RAB7A: variants seen among roughly 807,000 people sequenced by gnomAD.
RAB7A encodes the protein ras-related protein Rab-7a.
RAB7A carries 2 observed loss-of-function variants against 24.5 expected under a neutral mutation model. The observed-to-expected ratio is 0.08, with a 90% CI of 0.03 to 0.26. The LOEUF is 0.26. Ranked by LOEUF, RAB7A falls within the 10% of genes least tolerant of loss-of-function variation. The pLI is 1.00. For missense variants in RAB7A, 118 were observed against 255.7 expected, an observed-to-expected ratio of 0.46 and a Z score of 3.67; for synonymous variants, 100 against 95.9, an observed-to-expected ratio of 1.04 and a Z score of -0.25.
chr3:128,778,841 A>G (rs137930810), intron 1 of RAB7A, among the ~76,000 whole-genome samples: 30 of 152,302 alleles, frequency 2.0e-4, no homozygotes, highest in African/African-American at 7.0e-4. Flanking sequence ...AGTTTTGGTG[A>G]TCGATAGACT....
chr3:128,766,765 C>T (rs1235824323), intron 1 of RAB7A, among the ~76,000 whole-genome samples: 2 of 152,010 alleles, frequency 1.3e-5, no homozygotes, highest in Non-Finnish European at 1.5e-5. Context: ...GTTTTGAACT[C>T]CTGAACTCAA....
chr3:128,774,808 G>A (rs1192930592), intron 1 of RAB7A, among the ~76,000 whole-genome samples: 2 of 152,124 alleles, frequency 1.3e-5, no homozygotes, highest in African/African-American at 4.8e-5. Flanking sequence ...TCCTGCCCTC[G>A]TGATCCGCCC....
chr3:128,744,590 GC>G (rs1168529900), intron 1 of RAB7A, among the ~76,000 whole-genome samples: 2 of 152,180 alleles, frequency 1.3e-5, no homozygotes, highest in African/African-American at 4.8e-5. Context: ...GATCTGCTAA[GC>G]TGCTTTGGGG....
chr3:128,790,121 C>G (rs974287286), intron 1 of RAB7A, among the ~76,000 whole-genome samples: 18 of 152,176 alleles, frequency 1.2e-4, no homozygotes, highest in Non-Finnish European at 2.2e-4. Context: ...ACAAGTGTCC[C>G]ATTCTTGATC....
Position 128,813,613 on chromosome 3 carries a change from A to G in RAB7A, c.*191A>G. ...CACACACACACACACGCACACACAC[A>G]CACACAGATCTGACGTAATCAAACT... On this transcript the variant is annotated 3_prime_UTR_variant, in exon 6 of 6. Coordinates refer to ENST00000265062, the MANE Select transcript of RAB7A (RefSeq NM_004637.6). 1 of 614,454 alleles carries G rather than the reference A, an allele frequency of 1.6e-6. No individual in the cohort carries two copies. The highest frequency in any genetic ancestry group is 3.0e-6 in the Non-Finnish European group (1 of 331,096). The allele number at this position is 614,454 out of a possible 1,614,324, so 38.1% of individuals were successfully genotyped here.
rs73862543 is a variant in RAB7A, at chr3:128,781,285, A to C, written c.-8-14075A>C. Among the ~76,000 whole-genome samples the C allele has an allele frequency of 4.8e-3, 738 of 152,298 alleles. 6 individuals carry two copies. The highest frequency in any genetic ancestry group is 0.017 in the African/African-American group (712 of 41,548). The stretch of plus-strand genomic sequence containing the variant: ...CTCATAACAAAGCCACCCATATTTC[A>C]TGTGTCAAATGGAATGCTAGGAGCT... On this transcript the variant is annotated intron_variant, in intron 1 of 5. Coordinates refer to ENST00000265062, the MANE Select transcript of RAB7A (RefSeq NM_004637.6).
chr3:128,793,764 G>T (rs1933511444), intron 1 of RAB7A, among the ~76,000 whole-genome samples: 1 of 152,144 alleles, frequency 6.6e-6, no homozygotes, highest in Admixed American at 6.5e-5. Context: ...ATCTTATACT[G>T]CCCCTAACTA....
At chr3:128,798,396 C>G (rs1395552165) in intron 3 of RAB7A, 2 of 324,572 alleles carry the variant, frequency 6.2e-6, no homozygotes, top group African/African-American at 2.2e-5. Flanking sequence ...TGTCTTGTGC[C>G]TCTCTTGACA....
chr3:128,787,671 T>C lies in RAB7A; in HGVS notation c.-8-7689T>C, dbSNP rs537604231. Among the ~76,000 whole-genome samples, 11 of 152,368 alleles carry C rather than the reference T, an allele frequency of 7.2e-5. No homozygotes were observed. The South Asian group carries it at 2.3e-3, about 32-fold the overall frequency. ...TGCAGTCAATCGTGGTCTGAAAATA[T>C]TAAACGGGAAACTATAGAAATACTA... On this transcript the variant is annotated intron_variant, in intron 1 of 5. Transcript: ENST00000265062.
intron 1 of RAB7A, among the ~76,000 whole-genome samples, chr3:128,767,321 AAC>A (rs1415262174): frequency 6.6e-6 from 1 of 152,180 alleles, no homozygotes; most frequent in Non-Finnish European, 1.5e-5. Flanking sequence ...GTAGCAAGCA[AAC>A]ACATAGACCT....
chr3:128,798,302 T>A, intron 3 of RAB7A: 2 of 459,242 alleles, frequency 4.4e-6, no homozygotes, highest in South Asian at 2.3e-5. Flanking sequence ...AAATTCTTCT[T>A]AAAAAAAAAC....
intron 3 of RAB7A, chr3:128,798,780 A>G (rs1933632123): frequency 5.0e-6 from 1 of 200,240 alleles, no homozygotes; most frequent in Non-Finnish European, 9.6e-6. Flanking sequence ...GCTCCATTAT[A>G]CTCCAGCCTG....
intron 1 of RAB7A, among the ~76,000 whole-genome samples, chr3:128,727,096 T>C (rs1323678323): frequency 6.6e-6 from 1 of 152,224 alleles, no homozygotes; most frequent in Non-Finnish European, 1.5e-5. Context: ...TGATACCTAA[T>C]GGGGTCATAA....
chr3:128,810,983 G>A (rs1434365418), intron 5 of RAB7A, among the ~76,000 whole-genome samples: 2 of 152,090 alleles, frequency 1.3e-5, no homozygotes, highest in Non-Finnish European at 2.9e-5. Flanking sequence ...GAACCTGGGA[G>A]GTGGAGGTTG....
intron 3 of RAB7A, among the ~76,000 whole-genome samples, chr3:128,804,030 C>T (rs1215095840): frequency 6.6e-6 from 1 of 152,152 alleles, no homozygotes; most frequent in Non-Finnish European, 1.5e-5. Context: ...TGTAGCTTAC[C>T]TAACTTCCAA....
intron 1 of RAB7A, chr3:128,749,546 G>A (rs190323822): frequency 6.6e-6 from 1 of 152,294 alleles, no homozygotes; most frequent in Non-Finnish European, 1.5e-5. Context: ...GACTGATATG[G>A]TTTGGCTGTG....
chr3:128,811,151 G>A (rs1933917925), intron 5 of RAB7A, among the ~76,000 whole-genome samples: 1 of 151,306 alleles, frequency 6.6e-6, no homozygotes, highest in African/African-American at 2.4e-5. Flanking sequence ...TTTAGAGACA[G>A]GGTCTTGCTC....
At chr3:128,772,568 C>T (rs1932975238) in intron 1 of RAB7A, among the ~76,000 whole-genome samples, 1 of 152,120 alleles carries the variant, frequency 6.6e-6, no homozygotes, top group South Asian at 2.1e-4. Context: ...TTATTTTAAG[C>T]CTGATGCACT....
At chr3:128,740,849 CATG>C (rs2070545219) in intron 1 of RAB7A, among the ~76,000 whole-genome samples, 1 of 140,206 alleles carries the variant, frequency 7.1e-6, no homozygotes, top group Admixed American at 7.7e-5. Context: ...TACAGGAAGC[CATG>C]ATAATTCCAC....
Sources: gnomAD v4.1 joint callset for allele counts (sites outside exome capture counted in the v4.1 genomes callset) on GRCh38, gnomAD v4.1.1 for gene constraint, MANE v1.5 for transcripts, NCBI Gene and HGNC (gene_info 2026-07-23, HGNC 2026-07-21) for gene names.